SLC7A11: variants seen among roughly 807,000 people sequenced by gnomAD.
SLC7A11 encodes solute carrier family 7 member 11, also known as cystine/glutamate transporter.
Under a neutral mutation model 54.5 loss-of-function variants are expected in SLC7A11, and 35 were observed. The observed-to-expected ratio is 0.64, with a 90% confidence interval of 0.49 to 0.85. The LOEUF is 0.85. Among genes scored for constraint, SLC7A11 ranks in the 40% least tolerant of loss-of-function variants. The probability of loss-of-function intolerance (pLI) is 0.00; values close to 1 mark genes in which losing one functional copy is unlikely to be tolerated. For synonymous variants in SLC7A11, 230 were observed against 225.2 expected, an observed-to-expected ratio of 1.02 and a Z score of -0.19; for missense variants, 583 against 618.1, an observed-to-expected ratio of 0.94 and a Z score of 0.60.
chr4:138,208,732 C>A (rs1737470441), intron 6 of SLC7A11, among the ~76,000 whole-genome samples: 1 of 152,026 alleles, frequency 6.6e-6, no homozygotes, highest in South Asian at 2.1e-4. Context: ...AAAATACAAT[C>A]CTTACTCCAA....
At chr4:138,193,606 T>G (rs926912091) in intron 6 of SLC7A11, among the ~76,000 whole-genome samples, 6 of 151,918 alleles carry the variant, frequency 3.9e-5, no homozygotes, top group African/African-American at 1.4e-4. Flanking sequence ...TGAGACCAGG[T>G]TGGCCAATAT....
In SLC7A11 at chr4:138,215,372, A is replaced by G. The variant is rs191720564; in HGVS notation, c.747-743T>C. ...AAATCGAAAATCAAGTGGCTGGAATATAAGTCCATCAGCTCTTAATATACT... is the reference window on the plus strand; with the variant it reads ...AAATCGAAAATCAAGTGGCTGGAATGTAAGTCCATCAGCTCTTAATATACT... On this transcript the variant is annotated intron_variant, in intron 5 of 11. Coordinates refer to ENST00000280612, the MANE Select transcript of SLC7A11 (RefSeq NM_014331.4). Among the ~76,000 whole-genome samples, 274 of 152,302 alleles carry G rather than the reference A, an allele frequency of 1.8e-3. 2 individuals are homozygous for G. Among genetic ancestry groups the G allele is most frequent in the African/African-American group, 6.0e-3 (251 of 41,574 alleles).
intron 6 of SLC7A11, among the ~76,000 whole-genome samples, chr4:138,198,893 G>A (rs1440740948): frequency 6.6e-6 from 1 of 152,054 alleles, no homozygotes; most frequent in African/African-American, 2.4e-5. Context: ...ACATCTAGGT[G>A]ATATACGAAA....
rs1446050579 is a variant in SLC7A11, at chr4:138,241,792, C to G, written c.277+1G>C. The G allele has an allele frequency of 6.2e-7, 1 of 1,612,184 alleles. No homozygotes were observed. Among genetic ancestry groups the G allele is most frequent in the Non-Finnish European group, 8.5e-7 (1 of 1,178,446 alleles). The stretch of plus-strand genomic sequence containing the variant: ...CCCACGAGAGAAAAAGTCGCACTCA[C>G]CAAATAGTGACAGGACCCCACACAC... On this transcript the variant is annotated splice_donor_variant, in intron 1 of 11. Coordinates refer to ENST00000280612, the MANE Select transcript of SLC7A11 (RefSeq NM_014331.4). LOFTEE classifies it high-confidence loss of function.
At chr4:138,221,535 G>A (rs912406586) in intron 4 of SLC7A11, among the ~76,000 whole-genome samples, 10 of 152,056 alleles carry the variant, frequency 6.6e-5, no homozygotes, top group East Asian at 3.9e-4. Flanking sequence ...CATTAAATGC[G>A]GTAATATTCT....
intron 4 of SLC7A11, among the ~76,000 whole-genome samples, chr4:138,221,571 T>A (rs145477061): frequency 8.9e-4 from 135 of 152,222 alleles, no homozygotes; most frequent in African/African-American, 2.9e-3. Context: ...TTGTGTGAGA[T>A]CTCTGAATAA....
chr4:138,170,060 T>C lies in SLC7A11; in HGVS notation c.*1896A>G, dbSNP rs1736370354. 1 of 151,230 alleles carries C rather than the reference T, an allele frequency of 6.6e-6. No individual in the cohort carries two copies. 9.4% of individuals were successfully genotyped at this position (151,230 alleles called of 1,614,324 possible). A position where few individuals can be genotyped will look rare whatever the true frequency, so the allele number is the denominator to read the frequency against. ...TTGCCTTTAATAATTTTAATTGGTA[T>C]AATTCTTTCAAAAATCCTTATTTTC... On this transcript the variant is annotated 3_prime_UTR_variant, in exon 12 of 12. Transcript: ENST00000280612.
chr4:138,212,481 T>G (rs11731957), intron 6 of SLC7A11, among the ~76,000 whole-genome samples: 62,631 of 151,038 alleles, frequency 0.41, 13,815 homozygotes, highest in Middle Eastern at 0.6. Context: ...TTCCATTTTT[T>G]AGATAAGGGA....
At chr4:138,210,818 T>C (rs1466241846) in intron 6 of SLC7A11, among the ~76,000 whole-genome samples, 3 of 151,968 alleles carry the variant, frequency 2.0e-5, no homozygotes, top group Non-Finnish European at 4.4e-5. Context: ...TAGTTCAGCC[T>C]CTGTGGAAAG....
intron 3 of SLC7A11, 130 bp from the exon 4 acceptor site, chr4:138,223,454 C>G: frequency 2.2e-6 from 2 of 921,428 alleles, no homozygotes; most frequent in South Asian, 3.6e-5. Flanking sequence ...TTTAGAAATG[C>G]AGAATCTCAG....
At chr4:138,196,902 C>A (rs576676559) in intron 6 of SLC7A11, among the ~76,000 whole-genome samples, 2 of 152,146 alleles carry the variant, frequency 1.3e-5, no homozygotes, top group East Asian at 1.9e-4. Context: ...TCTGGTGATA[C>A]GCCCACCTTG....
In SLC7A11 at chr4:138,236,421, G is replaced by A. The variant is rs764715648; in HGVS notation, c.308C>T (p.Thr103Ile). The change falls in exon 2 of 12, where the codon ACT (threonine) becomes ATT (isoleucine). Residue 103 changes from threonine to isoleucine, a missense_variant. By Grantham distance (89) the Thr-to-Ile change is moderately conservative (BLOSUM62 -1). Coordinates refer to ENST00000280612, the MANE Select transcript of SLC7A11 (RefSeq NM_014331.4). ...GTAATGACCTCCAGATTTCTTTATAGTTGTTCCCAATTCAGCATAAGACAA... is the reference window on the plus strand; with the variant it reads ...GTAATGACCTCCAGATTTCTTTATAATTGTTCCCAATTCAGCATAAGACAA... Reference protein sequence around the residue: ...GALSYAELGTTIKKSGGHYTY... With the variant: ...GALSYAELGTIIKKSGGHYTY... The A allele has an allele frequency of 1.3e-5, 21 of 1,611,534 alleles. No homozygotes were observed. In the Middle Eastern group the frequency reaches 4.9e-4, roughly 38 times the overall value.
In SLC7A11 at chr4:138,180,709, T is replaced by C; in HGVS notation, c.1198A>G (p.Ile400Val). Residue 400 changes from isoleucine to valine, a missense_variant, in exon 10 of 12, where the codon ATT becomes GTT. Transcript: ENST00000280612. Reference sequence around the variant, plus strand: ...ATCAGCCCAGCAACTGCCAGCCCAATAAAAAGCCACCTGGCAAAACTGAGG... The same window carrying C: ...ATCAGCCCAGCAACTGCCAGCCCAACAAAAAGCCACCTGGCAAAACTGAGG... The part of the protein sequence containing the change: ...NFLSFARWLF[I>V]GLAVAGLIYL... The C allele has an allele frequency of 1.9e-6, 3 of 1,612,884 alleles. No homozygotes were observed. Among genetic ancestry groups the C allele is most frequent in the African/African-American group, 1.3e-5 (1 of 74,946 alleles).
chr4:138,179,212 C>G lies in SLC7A11; in HGVS notation c.1444+5G>C. 2 of 1,584,024 alleles carry G rather than the reference C, an allele frequency of 1.3e-6. No individual in the cohort carries two copies. Among genetic ancestry groups the G allele is most frequent in the Non-Finnish European group, 1.7e-6 (2 of 1,153,860 alleles). On this transcript the variant is annotated splice_donor_5th_base_variant and intron_variant, in intron 11 of 11. Transcript: ENST00000280612. ...CAATGTCCTGAAAGTATTTAAAATTCTTACCCGACATTATTCTAAACCACC... is the reference window on the plus strand; with the variant it reads ...CAATGTCCTGAAAGTATTTAAAATTGTTACCCGACATTATTCTAAACCACC...
At position 138,180,826 on chromosome 4, in the gene SLC7A11, A is replaced by C. The variant is rs561134550; in HGVS notation, c.1117-36T>G. 11 of 1,593,346 alleles carry C rather than the reference A, an allele frequency of 6.9e-6. No homozygotes were observed. The South Asian group carries it at 1.1e-4, about 16-fold the overall frequency. ...AAAGGGAAGCAAGCTTGGTGAATTC[A>C]GTGAAAACACAGATGATTAACAACA... On this transcript the variant is annotated intron_variant, in intron 9 of 11. Coordinates refer to ENST00000280612, the MANE Select transcript of SLC7A11 (RefSeq NM_014331.4).
At chr4:138,239,738 A>C (rs1024532659) in intron 1 of SLC7A11, among the ~76,000 whole-genome samples, 22 of 152,316 alleles carry the variant, frequency 1.4e-4, no homozygotes, top group African/African-American at 5.3e-4. Context: ...ATATTTTCAT[A>C]GTGCAAGTCA....
intron 6 of SLC7A11, among the ~76,000 whole-genome samples, chr4:138,196,422 G>A (rs376633029): frequency 6.6e-6 from 1 of 152,096 alleles, no homozygotes; most frequent in African/African-American, 2.4e-5. Context: ...AGGGAAAGGA[G>A]CACAAGGAAG....
chr4:138,198,560 A>G (rs4241940), intron 6 of SLC7A11, among the ~76,000 whole-genome samples: 62,951 of 151,974 alleles, frequency 0.41, 13,933 homozygotes, highest in Middle Eastern at 0.6. Context: ...ACCCAACACT[A>G]TAAGTATTCT....
chr4:138,193,960 T>C (rs1208887328), intron 6 of SLC7A11, among the ~76,000 whole-genome samples: 3 of 152,152 alleles, frequency 2.0e-5, no homozygotes, highest in African/African-American at 7.2e-5. Flanking sequence ...GAAAAATAAT[T>C]TTAGCAAATG....
Sources: allele counts gnomAD v4.1 joint callset (sites outside exome capture counted in the v4.1 genomes callset), GRCh38; gene constraint gnomAD v4.1.1; transcripts MANE v1.5; gene names NCBI Gene and HGNC (gene_info 2026-07-23, HGNC 2026-07-21).